The following AGFG2 variants were observed in gnomAD, a reference collection of about 807,000 sequenced individuals.
AGFG2 encodes ArfGAP with FG repeats 2.
Under a neutral mutation model 48.0 loss-of-function variants are expected in AGFG2, and 31 were observed. The observed-to-expected ratio is 0.65, with a 90% CI of 0.49 to 0.87. AGFG2 has a LOEUF of 0.87. Ranked by LOEUF, AGFG2 falls within the 40% of genes least tolerant of loss-of-function variation. The probability of loss-of-function intolerance (pLI) is 0.00; values close to 1 mark genes in which losing one functional copy is unlikely to be tolerated. For missense variants in AGFG2, 599 were observed against 632.6 expected (o/e 0.95, Z 0.57); for synonymous variants, 229 against 260.8 (o/e 0.88, Z 1.18).
At chr7:100,543,246 G>A (rs1336121900) in intron 1 of AGFG2, among the ~76,000 whole-genome samples, 3 of 152,028 alleles carry the variant, frequency 2.0e-5, no homozygotes, top group Admixed American at 6.6e-5. Context: ...TGTATTTTTA[G>A]TAGAGACGGG....
Position 100,563,827 on chromosome 7 carries a change from T to TC in AGFG2, c.1172-5dup, listed in dbSNP as rs757159273. On this transcript the variant is annotated splice_region_variant and splice_polypyrimidine_tract_variant and intron_variant, in intron 9 of 11. Coordinates refer to ENST00000300176, the MANE Select transcript of AGFG2 (RefSeq NM_006076.5). ...TTCACCTGAGCCTCCCGTCTTTCACTCCATAGGGCCCGGCTTTGGGATGAG... is the reference window on the plus strand; with the variant it reads ...TTCACCTGAGCCTCCCGTCTTTCACTCCCATAGGGCCCGGCTTTGGGATGAG... 7.0e-5 allele frequency: 113 copies of TC among 1,611,094 alleles called. 1 individual carries two copies. In the African/African-American group the frequency reaches 9.1e-4, roughly 13 times the overall value.
chr7:100,551,068 T>TATATATATATATATA (rs1800632184), intron 3 of AGFG2, among the ~76,000 whole-genome samples: 1 of 59,214 alleles, frequency 1.7e-5, no homozygotes, highest in East Asian at 5.8e-4. Context: ...ATATATATAT[T>TATATATATATATATA]TCTTTTTTTT....
Position 100,565,068 on chromosome 7 carries a change from G to A in AGFG2, c.*77G>A. ...CTAGAGCTCTGGTGACCACTTGCCT[G>A]TGGGCATTTCTATGGGCCTTGGGGA... On this transcript the variant is annotated 3_prime_UTR_variant, in exon 12 of 12. Coordinates refer to ENST00000300176, the MANE Select transcript of AGFG2 (RefSeq NM_006076.5). The A allele has an allele frequency of 6.7e-7, 1 of 1,502,130 alleles. No individual in the cohort carries two copies. The highest frequency in any genetic ancestry group is 9.3e-7 in the Non-Finnish European group (1 of 1,078,400). The allele number at this position is 1,502,130 out of a possible 1,614,324, so 93.1% of individuals were successfully genotyped here.
In AGFG2 at chr7:100,565,188, C is replaced by T. The variant is rs1361128597; in HGVS notation, c.*197C>T. 2 of 642,788 alleles carry T rather than the reference C, an allele frequency of 3.1e-6. No homozygotes were observed. Among genetic ancestry groups the T allele is most frequent in the Non-Finnish European group, 5.4e-6 (2 of 367,988 alleles). 39.8% of individuals were successfully genotyped at this position (642,788 alleles called of 1,614,324 possible). On this transcript the variant is annotated 3_prime_UTR_variant, in exon 12 of 12. Coordinates refer to ENST00000300176, the MANE Select transcript of AGFG2 (RefSeq NM_006076.5). ...CTCTCTCCCCTCCCTCGTCCCACCC[C>T]CACCCAGGCAGGAAGCCCAGGAGGA... is the stretch of plus-strand genomic sequence containing the variant.
intron 3 of AGFG2, among the ~76,000 whole-genome samples, chr7:100,550,769 G>A (rs1299213450): frequency 6.6e-6 from 1 of 151,696 alleles, no homozygotes; most frequent in Non-Finnish European, 1.5e-5. Flanking sequence ...GCCTGTGGGT[G>A]TTCATTTTTA....
intron 5 of AGFG2, among the ~76,000 whole-genome samples, chr7:100,555,263 GTTTTTTTTTT>G (rs1166680394): frequency 1.3e-5 from 1 of 75,176 alleles, no homozygotes; most frequent in Non-Finnish European, 2.5e-5. Context: ...TGTGTGTGTG[GTTTTTTTTTT>G]TTTTTTTTTT....
chr7:100,539,318 G>A lies in AGFG2; in HGVS notation c.-29G>A. On this transcript the variant is annotated 5_prime_UTR_variant, in exon 1 of 12. Transcript: ENST00000300176. ...GGCGGCAGTGGTTGAAGGGGTGATT[G>A]CTGACTAGCGGGGAGGGAGTGGGCA... The A allele has an allele frequency of 1.6e-6, 2 of 1,279,100 alleles. No homozygotes were observed. The highest frequency in any genetic ancestry group is 1.5e-5 in the African/African-American group (1 of 64,692). 79.2% of individuals were successfully genotyped at this position (1,279,100 alleles called of 1,614,324 possible).
In AGFG2 at chr7:100,565,831, C is replaced by T. The variant is rs1389636972; in HGVS notation, c.*840C>T. On this transcript the variant is annotated 3_prime_UTR_variant, in exon 12 of 12. Coordinates refer to ENST00000300176, the MANE Select transcript of AGFG2 (RefSeq NM_006076.5). ...GAGGGGGGGCAGCCATGTGTCCTGA[C>T]CCCCACCATCCCCAGAGCCTGGGTT... The T allele has an allele frequency of 6.6e-6, 1 of 151,966 alleles. No individual in the cohort carries two copies. Among genetic ancestry groups the T allele is most frequent in the Non-Finnish European group, 1.5e-5 (1 of 67,990 alleles). The allele number at this position is 151,966 out of a possible 1,614,324, so 9.4% of individuals were successfully genotyped here. A position where few individuals can be genotyped will look rare whatever the true frequency, so the allele number is the denominator to read the frequency against.
chr7:100,541,617 G>T (rs1010350577), intron 1 of AGFG2, among the ~76,000 whole-genome samples: 2 of 151,930 alleles, frequency 1.3e-5, no homozygotes, highest in Non-Finnish European at 2.9e-5. Context: ...ACAAAAATTA[G>T]CCAGGCATGG....
intron 1 of AGFG2, among the ~76,000 whole-genome samples, chr7:100,541,464 T>C (rs1399205039): frequency 6.6e-6 from 1 of 151,810 alleles, no homozygotes; most frequent in Non-Finnish European, 1.5e-5. Flanking sequence ...TGGGGAGAGA[T>C]TGAGCAACGT....
intron 6 of AGFG2, among the ~76,000 whole-genome samples, chr7:100,557,938 G>C (rs981732023): frequency 2.4e-4 from 36 of 152,124 alleles, no homozygotes; most frequent in African/African-American, 7.5e-4. Flanking sequence ...AATAGGCCAG[G>C]CGCGGTGGCT....
At position 100,539,448 on chromosome 7, in the gene AGFG2, G is replaced by C; in HGVS notation, c.102G>C (p.Arg34=). ...CGGAGGTGTGGTGCCGTCGGGTGCG[G>C]GAGCTGGGTGGCTGCAGCCAGGCCG... ...AASEVWCRRV[R]ELGGCSQAGN... Residue 34 remains arginine, a synonymous_variant, in exon 1 of 12, where the codon CGG becomes CGC. Coordinates refer to ENST00000300176, the MANE Select transcript of AGFG2 (RefSeq NM_006076.5). 7.6e-7 allele frequency: 1 copy of C among 1,324,422 alleles called. No homozygotes were observed. Among genetic ancestry groups the C allele is most frequent in the Non-Finnish European group, 9.7e-7 (1 of 1,033,592 alleles). The allele number at this position is 1,324,422 out of a possible 1,614,324, so 82.0% of individuals were successfully genotyped here.
chr7:100,549,426 G>A (rs1353931642), intron 2 of AGFG2, among the ~76,000 whole-genome samples: 2 of 152,192 alleles, frequency 1.3e-5, no homozygotes, highest in Non-Finnish European at 2.9e-5. Context: ...AAGGGCCTCT[G>A]GAGGTGTCCT....
At position 100,554,204 on chromosome 7, in the gene AGFG2, C is replaced by T. The variant is rs1800710095; in HGVS notation, c.697C>T (p.Pro233Ser). ...CCTGCTGGCTGACATCGGTGGAGAC[C>T]CCTTTGCTGCACCCCAGATGGCACC... The part of the protein sequence containing the change: ...TDLLADIGGD[P>S]FAAPQMAPAF... Residue 233 changes from proline to serine, a missense_variant, in exon 5 of 12, where the codon CCC becomes TCC. Coordinates refer to ENST00000300176, the MANE Select transcript of AGFG2 (RefSeq NM_006076.5). The T allele has an allele frequency of 6.2e-7, 1 of 1,614,166 alleles. No individual in the cohort carries two copies. Among genetic ancestry groups the T allele is most frequent in the Non-Finnish European group, 8.5e-7 (1 of 1,180,020 alleles).
chr7:100,563,970 CT>C lies in AGFG2; in HGVS notation c.1300+9del, dbSNP rs1278352916. On this transcript the variant is annotated intron_variant, in intron 10 of 11. Coordinates refer to ENST00000300176, the MANE Select transcript of AGFG2 (RefSeq NM_006076.5). ...TTGTTCAGCAGCAGAATGGTAAGAG[CT>C]GTAGATGGACAAACCCTTTCACCCC... 6.2e-7 allele frequency: 1 copy of C among 1,605,868 alleles called. No homozygotes were observed. Among genetic ancestry groups the C allele is most frequent in the Non-Finnish European group, 8.5e-7 (1 of 1,179,912 alleles).
At chr7:100,551,494 C>T (rs899038607) in intron 3 of AGFG2, among the ~76,000 whole-genome samples, 4 of 151,456 alleles carry the variant, frequency 2.6e-5, no homozygotes, top group South Asian at 4.2e-4. Context: ...CGTGAGCCAC[C>T]GTGCCCGGCC....
chr7:100,542,472 C>CCTT (rs1375016227), intron 1 of AGFG2, among the ~76,000 whole-genome samples: 1 of 152,190 alleles, frequency 6.6e-6, no homozygotes. Flanking sequence ...AGAGGTTAGG[C>CCTT]CAGTAAATGA....
intron 10 of AGFG2, 39 bp downstream of exon 10, chr7:100,564,001 C>G (rs1380600728): frequency 1.3e-6 from 2 of 1,598,566 alleles, no homozygotes; most frequent in South Asian, 2.2e-5. Flanking sequence ...CACCCCATCC[C>G]ATCTCTGCAT....
At chr7:100,551,053 TATATATATATATA>T (rs1562791810) in intron 3 of AGFG2, among the ~76,000 whole-genome samples, 8 of 86,400 alleles carry the variant, frequency 9.3e-5, no homozygotes, top group African/African-American at 2.8e-4. Flanking sequence ...TATATATATA[TATATATATATATA>T]TTTCTTTTTT....
Sources: gnomAD v4.1 joint callset for allele counts (sites outside exome capture counted in the v4.1 genomes callset) on GRCh38, gnomAD v4.1.1 for gene constraint, MANE v1.5 for transcripts, NCBI Gene and HGNC (gene_info 2026-07-23, HGNC 2026-07-21) for gene names.